The following ZBTB38 variants were observed in gnomAD, a reference collection of about 807,000 sequenced individuals.
The protein encoded by ZBTB38 is zinc finger and BTB domain-containing protein 38.
Under a neutral mutation model 76.8 loss-of-function variants are expected in ZBTB38, and 20 were observed. The ratio of observed to expected loss-of-function variants is 0.26; its 90% confidence interval spans 0.18 to 0.38. The LOEUF (loss-of-function observed/expected upper bound fraction) is 0.38, where lower values mean the gene tolerates loss of function less well. Among genes scored for constraint, ZBTB38 ranks in the 10% least tolerant of loss-of-function variants. The pLI is 1.00. For synonymous variants in ZBTB38, 504 were observed against 544.2 expected, an observed-to-expected ratio of 0.93 and a Z score of 1.03; for missense variants, 1,082 against 1,482.3, an observed-to-expected ratio of 0.73 and a Z score of 4.43.
chr3:141,441,182 A>G (rs2080127267), intron 5 of ZBTB38, among the ~76,000 whole-genome samples: 1 of 152,144 alleles, frequency 6.6e-6, no homozygotes, highest in African/African-American at 2.4e-5. Context: ...GGAAGTATGA[A>G]AGCTGCTACT....
At chr3:141,330,378 C>T (rs549434950) in intron 1 of ZBTB38, among the ~76,000 whole-genome samples, 45 of 152,340 alleles carry the variant, frequency 3.0e-4, no homozygotes, top group African/African-American at 1.1e-3. Context: ...GCTAGCAAGT[C>T]CATTGCAACC....
Position 141,443,005 on chromosome 3 carries a change from C to A in ZBTB38, c.617C>A (p.Thr206Lys). The A allele has an allele frequency of 6.2e-7, 1 of 1,614,224 alleles. No individual in the cohort carries two copies. ...MRTASLCLER[T>K]DVCHEAEPVR... ...ACAGCTAGCCTTTGCCTGGAGAGGA[C>A]GGACGTCTGCCACGAGGCAGAGCCT... The change falls in exon 6 of 6, where the codon ACG (threonine) becomes AAG (lysine). Residue 206 changes from threonine (T) to lysine (K), a missense_variant. By Grantham distance (78) the Thr-to-Lys change is moderately conservative. This residue lies in a region of ZBTB38 where 324 missense variants were observed against 359.1 expected (regional missense o/e 0.90). Transcript: ENST00000321464. This position sits in a 1 kb window ranked among gnomAD's most constrained non-coding sequence, Gnocchi z 5.6.
chr3:141,382,989 T>C (rs1188842209), intron 3 of ZBTB38, among the ~76,000 whole-genome samples: 3 of 152,244 alleles, frequency 2.0e-5, no homozygotes, highest in Admixed American at 6.5e-5. Context: ...TGCTATTTAC[T>C]GTGTGTAATC....
rs1395462877 is a variant in ZBTB38 at position 141,445,053 on chromosome 3, C to T, written c.2665C>T (p.Leu889Phe). The change falls in exon 6 of 6, where the codon CTC becomes TTC. Residue 889 changes from leucine to phenylalanine, a missense_variant. Physicochemically the swap from Leu to Phe is conservative, Grantham distance 22. This residue lies in a region of ZBTB38 where 471 missense variants were observed against 581.0 expected (regional missense o/e 0.81). Transcript: ENST00000321464. The surrounding 1 kb of genome is among the most constrained non-coding windows in gnomAD (Gnocchi z 6.5). ...NDPEPSGDSP[L>F]GLCQSECMEM... is the part of the protein sequence containing the mutation. ...CCCAGAACCCAGTGGAGACAGCCCA[C>T]TCGGGCTTTGCCAATCCGAGTGCAT... 9 of 1,614,082 alleles carry T rather than the reference C, an allele frequency of 5.6e-6. No homozygotes were observed. Among genetic ancestry groups the T allele is most frequent in the Admixed American group, 1.7e-5 (1 of 60,012 alleles).
chr3:141,432,369 C>T (rs897109084), intron 5 of ZBTB38: 11 of 800,998 alleles, frequency 1.4e-5, no homozygotes, highest in Non-Finnish European at 1.7e-5. Context: ...TTATTATGTA[C>T]GTTAGGAGCT....
At chr3:141,411,128 A>C (rs1956480156) in intron 5 of ZBTB38, among the ~76,000 whole-genome samples, 1 of 152,214 alleles carries the variant, frequency 6.6e-6, no homozygotes, top group Non-Finnish European at 1.5e-5. Context: ...ACAATTAGAT[A>C]ATAAGACCAC....
Position 141,354,637 on chromosome 3 carries a change from G to A in ZBTB38, c.-738-13984G>A, listed in dbSNP as rs183645015. On this transcript the variant is annotated intron_variant, in intron 1 of 7. Transcript: ENST00000509842. ...CTCATGGTCAGCACAGCCCCACCTC[G>A]GGATTCATCGGCATATCTCTCCAGG... 2.1e-3 allele frequency among the ~76,000 whole-genome samples: 315 copies of A among 152,114 alleles called. 1 individual carries two copies. The highest frequency in any genetic ancestry group is 3.1e-3 in the Non-Finnish European group (214 of 67,976).
chr3:141,402,249 C>T (rs927053073), intron 4 of ZBTB38: 1 of 151,978 alleles, frequency 6.6e-6, no homozygotes, highest in African/African-American at 2.4e-5. Context: ...GCCCCGGGCC[C>T]GCGGGGCTGC....
intron 2 of ZBTB38, among the ~76,000 whole-genome samples, chr3:141,374,884 G>A (rs1044750447): frequency 5.9e-5 from 9 of 152,132 alleles, no homozygotes; most frequent in African/African-American, 1.9e-4. Context: ...AGAAAGGTAC[G>A]AATGTCTATT....
chr3:141,372,649 T>C (rs1250978218), intron 2 of ZBTB38, among the ~76,000 whole-genome samples: 2 of 139,590 alleles, frequency 1.4e-5, no homozygotes, highest in South Asian at 2.3e-4. Context: ...AGAAACTCCA[T>C]CTCCAAAAAA....
intron 1 of ZBTB38, among the ~76,000 whole-genome samples, chr3:141,326,207 G>A (rs995357353): frequency 3.3e-5 from 5 of 152,150 alleles, no homozygotes; most frequent in African/African-American, 1.2e-4. Context: ...AGAATCCTTA[G>A]AGCTCATGGG....
At position 141,445,680 on chromosome 3, in the gene ZBTB38, T is replaced by G; in HGVS notation, c.3292T>G (p.Phe1098Val). Reference sequence around the variant, plus strand: ...TGGAGAAAAGCGTTACCACTGTCAGTTCTGCTTTCAGAGATTTTTGTATCT... The same window carrying G: ...TGGAGAAAAGCGTTACCACTGTCAGGTCTGCTTTCAGAGATTTTTGTATCT... ...HTGEKRYHCQ[F>V]CFQRFLYLST... is the part of the protein sequence containing the mutation. Residue 1098 changes from phenylalanine (F) to valine (V), a missense_variant, in exon 6 of 6, where the codon TTC becomes GTC. Physicochemically the swap from Phe to Val is conservative, Grantham distance 50. Around this residue, in one of 8 missense-constraint regions of ZBTB38, gnomAD observed 69 missense variants for 148.2 expected, o/e 0.47. Coordinates refer to ENST00000321464, the MANE Select transcript of ZBTB38 (RefSeq NM_001376113.1). The surrounding 1 kb of genome is among the most constrained non-coding windows in gnomAD (Gnocchi z 6.5). The G allele has an allele frequency of 6.2e-7, 1 of 1,614,216 alleles. No individual in the cohort carries two copies. Among genetic ancestry groups the G allele is most frequent in the Non-Finnish European group, 8.5e-7 (1 of 1,180,032 alleles).
intron 4 of ZBTB38, chr3:141,390,094 T>C (rs1236479885): frequency 2.0e-5 from 3 of 152,234 alleles, no homozygotes; most frequent in East Asian, 1.9e-4. Context: ...ATAATTACTA[T>C]ATATTACTTC....
rs1429731462 is a variant in ZBTB38, at chr3:141,443,242, C to G, written c.854C>G (p.Pro285Arg). ...SDSATENIPPPPVSNLEVNQE... is the reference protein window; with the variant it reads ...SDSATENIPPRPVSNLEVNQE... ...TCAGCCACAGAAAATATACCACCCC[C>G]TCCAGTATCCAACTTAGAGGTTAAT... The change falls in exon 6 of 6, where the codon CCT becomes CGT. Residue 285 changes from proline to arginine, a missense_variant. By Grantham distance (103) the Pro-to-Arg change is moderately radical. Around this residue, in one of 8 missense-constraint regions of ZBTB38, gnomAD observed 324 missense variants for 359.1 expected, o/e 0.90. Transcript: ENST00000321464. This position sits in a 1 kb window ranked among gnomAD's most constrained non-coding sequence, Gnocchi z 5.6. 3 of 1,614,240 alleles carry G rather than the reference C, an allele frequency of 1.9e-6. No homozygotes were observed. Among genetic ancestry groups the G allele is most frequent in the East Asian group, 4.5e-5 (2 of 44,888 alleles).
At chr3:141,379,463 C>T (rs998530476) in intron 2 of ZBTB38, among the ~76,000 whole-genome samples, 26 of 152,180 alleles carry the variant, frequency 1.7e-4, no homozygotes, top group African/African-American at 6.3e-4. Context: ...TGGCCTCAGC[C>T]TCCAGCTTCC....
At chr3:141,375,968 G>A (rs758889174) in intron 2 of ZBTB38, among the ~76,000 whole-genome samples, 1 of 152,180 alleles carries the variant, frequency 6.6e-6, no homozygotes, top group Non-Finnish European at 1.5e-5. Flanking sequence ...GGAAATTTAG[G>A]AAACAATGGA....
At chr3:141,327,332 G>A (rs902524070) in intron 1 of ZBTB38, among the ~76,000 whole-genome samples, 2 of 152,154 alleles carry the variant, frequency 1.3e-5, no homozygotes, top group Non-Finnish European at 2.9e-5. Context: ...TTAGCCAGGC[G>A]ATCAAGGTCA....
chr3:141,380,558 G>A (rs985055504), intron 2 of ZBTB38, among the ~76,000 whole-genome samples: 37 of 152,168 alleles, frequency 2.4e-4, no homozygotes, highest in Admixed American at 3.9e-4. Flanking sequence ...AAAGGACTCC[G>A]GAGTTTGATG....
intron 3 of ZBTB38, among the ~76,000 whole-genome samples, chr3:141,383,887 T>C (rs977036074): frequency 2.0e-5 from 3 of 152,224 alleles, no homozygotes; most frequent in Non-Finnish European, 4.4e-5. Context: ...TTTGTGCACA[T>C]GCCCCGAGGA....
Sources: allele counts gnomAD v4.1 joint callset (sites outside exome capture counted in the v4.1 genomes callset), GRCh38; gene constraint gnomAD v4.1.1; regional missense constraint gnomAD v4.1.1; non-coding constraint Gnocchi (gnomAD v3.1); transcripts MANE v1.5; gene names NCBI Gene and HGNC (gene_info 2026-07-23, HGNC 2026-07-21).